Variants in MYO1G observed in about 807,000 individuals in gnomAD.
MYO1G encodes the protein unconventional myosin-Ig.
In MYO1G, 65 loss-of-function variants were observed where a neutral mutation model predicts 115.3. The ratio of observed to expected loss-of-function variants is 0.56; its 90% CI spans 0.46 to 0.69. MYO1G has a LOEUF of 0.69. MYO1G is among the 30% of genes least tolerant of loss of function. The pLI, the probability that MYO1G is intolerant of heterozygous loss-of-function variation, is 0.00. For synonymous variants in MYO1G, 510 were observed against 552.6 expected (o/e 0.92, Z 1.08); for missense variants, 1,204 against 1,393.5 (o/e 0.86, Z 2.16).
rs763498353 is a variant in MYO1G, at chr7:44,972,095, T to C, written c.729+20A>G. On this transcript the variant is annotated intron_variant, in intron 6 of 21. Coordinates refer to ENST00000258787, the MANE Select transcript of MYO1G (RefSeq NM_033054.3). ...CTGACACTGAGCCCAGTTTGAGCCC[T>C]TGGTGCCCCTCACACTCACACTGTG... is the stretch of plus-strand genomic sequence containing the variant. 21 of 1,590,240 alleles carry C rather than the reference T, an allele frequency of 1.3e-5. No individual in the cohort carries two copies. The highest frequency in any genetic ancestry group is 1.7e-5 in the Admixed American group (1 of 59,956).
rs1332221693 is a variant in MYO1G at position 44,966,903 on chromosome 7, CA to C, written c.1783-66del. On this transcript the variant is annotated intron_variant, in intron 14 of 21. Transcript: ENST00000258787. This position sits in a 1 kb window ranked among gnomAD's most constrained non-coding sequence, Gnocchi z 5.0. ...CAGCACTGTGCACCCTGCCCCACAC[CA>C]GGGGCTTCCTAACCCCTCAAGGTCC... 4 of 1,481,742 alleles carry C rather than the reference CA, an allele frequency of 2.7e-6. No homozygotes were observed. Among genetic ancestry groups the C allele is most frequent in the Non-Finnish European group, 3.6e-6 (4 of 1,101,586 alleles). The allele number at this position is 1,481,742 out of a possible 1,614,324, so 91.8% of individuals were successfully genotyped here.
chr7:44,966,915 A>G lies in MYO1G; in HGVS notation c.1783-77T>C. ...CCCTGCCCCACACCAGGGGCTTCCT[A>G]ACCCCTCAAGGTCCCAGGCCAGGAG... is the stretch of plus-strand genomic sequence containing the variant. On this transcript the variant is annotated intron_variant, in intron 14 of 21. Transcript: ENST00000258787. The surrounding 1 kb of genome is among the most constrained non-coding windows in gnomAD (Gnocchi z 5.0). 7 of 1,444,202 alleles carry G rather than the reference A, an allele frequency of 4.8e-6. No homozygotes were observed. In the South Asian group the frequency reaches 9.4e-5, roughly 19 times the overall value. 89.5% of individuals were successfully genotyped at this position (1,444,202 alleles called of 1,614,324 possible). A position where few individuals can be genotyped will look rare whatever the true frequency, so the allele number is the denominator to read the frequency against.
In MYO1G at chr7:44,967,626, C is replaced by T; in HGVS notation, c.1761G>A (p.Leu587=). The T allele has an allele frequency of 6.2e-7, 1 of 1,613,836 alleles. No homozygotes were observed. Among genetic ancestry groups the T allele is most frequent in the South Asian group, 1.1e-5 (1 of 91,090 alleles). Residue 587 remains leucine (L), a synonymous_variant, in exon 14 of 22, where the codon CTG becomes CTA. Coordinates refer to ENST00000258787, the MANE Select transcript of MYO1G (RefSeq NM_033054.3). ...ATACCTTGGAGGCAAGGTTCTCCAC[C>T]AGGGCCACCATGGAGTTCTTGAAGA... ...GTLFKNSMVA[L]VENLASKEPF... is the part of the protein sequence containing the mutation.
chr7:44,970,906 C>T lies in MYO1G; in HGVS notation c.1000G>A (p.Gly334Arg). ...RSLLARTVAS[G>R]GRELIEKGHT... ...CCCTTCTCTATGAGTTCCCTGCCTC[C>T]CGAGGCAACTGTGCGAGCCAGCAGG... is the stretch of plus-strand genomic sequence containing the variant. The change falls in exon 8 of 22, where the codon GGA (glycine) becomes AGA (arginine). Residue 334 changes from glycine (G) to arginine (R), a missense_variant. By Grantham distance (125) the Gly-to-Arg change is moderately radical. Transcript: ENST00000258787. The T allele has an allele frequency of 6.2e-7, 1 of 1,613,566 alleles. No individual in the cohort carries two copies. The highest frequency in any genetic ancestry group is 8.5e-7 in the Non-Finnish European group (1 of 1,180,038).
At chr7:44,977,945 C>T (rs1681247013) in intron 1 of MYO1G, among the ~76,000 whole-genome samples, 1 of 152,232 alleles carries the variant, frequency 6.6e-6, no homozygotes. Flanking sequence ...ACCCACGTCT[C>T]CAGGGCTCAG....
Position 44,964,820 on chromosome 7 carries a change from C to A in MYO1G, c.2526+125G>T. The A allele has an allele frequency of 7.1e-7, 1 of 1,403,060 alleles. No individual in the cohort carries two copies. Among genetic ancestry groups the A allele is most frequent in the Non-Finnish European group, 9.7e-7 (1 of 1,033,172 alleles). 86.9% of individuals were successfully genotyped at this position (1,403,060 alleles called of 1,614,324 possible). ...CTCTGGTGGGGGCTGAGGTACAGGGCCACCAGGACAGACAACCCCAGGCCT... is the reference window on the plus strand; with the variant it reads ...CTCTGGTGGGGGCTGAGGTACAGGGACACCAGGACAGACAACCCCAGGCCT... On this transcript the variant is annotated intron_variant, in intron 18 of 21. Transcript: ENST00000258787. This position sits in a 1 kb window ranked among gnomAD's most constrained non-coding sequence, Gnocchi z 5.1.
In MYO1G at chr7:44,964,838, C is replaced by A; in HGVS notation, c.2526+107G>T. On this transcript the variant is annotated intron_variant, in intron 18 of 21. Coordinates refer to ENST00000258787, the MANE Select transcript of MYO1G (RefSeq NM_033054.3). The surrounding 1 kb of genome is among the most constrained non-coding windows in gnomAD (Gnocchi z 5.1). The stretch of plus-strand genomic sequence containing the variant: ...TACAGGGCCACCAGGACAGACAACC[C>A]CAGGCCTGGGAGAGGACATCTGAGG... 1.4e-6 allele frequency: 2 copies of A among 1,479,884 alleles called. No homozygotes were observed. Among genetic ancestry groups the A allele is most frequent in the Non-Finnish European group, 1.8e-6 (2 of 1,098,008 alleles). 91.7% of individuals were successfully genotyped at this position (1,479,884 alleles called of 1,614,324 possible).
Position 44,969,562 on chromosome 7 carries a change from C to T in MYO1G, c.1504-79G>A. 1.3e-6 allele frequency: 2 copies of T among 1,583,206 alleles called. No homozygotes were observed. The highest frequency in any genetic ancestry group is 1.7e-6 in the Non-Finnish European group (2 of 1,153,310). ...AAGGGATAGCCCTGCCTCCCCACCT[C>T]CAGGGCAGAGAAGGTTGCCACAGTG... is the stretch of plus-strand genomic sequence containing the variant. On this transcript the variant is annotated intron_variant, in intron 11 of 21. Transcript: ENST00000258787. The surrounding 1 kb of genome is among the most constrained non-coding windows in gnomAD (Gnocchi z 5.0).
rs913592857 is a variant in MYO1G at position 44,966,441 on chromosome 7, C to T, written c.1950-161G>A. 1.2e-6 allele frequency: 1 copy of T among 817,190 alleles called. No individual in the cohort carries two copies. Among genetic ancestry groups the T allele is most frequent in the Non-Finnish European group, 2.0e-6 (1 of 490,100 alleles). The allele number at this position is 817,190 out of a possible 1,614,324, so 50.6% of individuals were successfully genotyped here. On this transcript the variant is annotated intron_variant, in intron 15 of 21. Transcript: ENST00000258787. This position sits in a 1 kb window ranked among gnomAD's most constrained non-coding sequence, Gnocchi z 5.0. ...ATGTCTTCCCATACACATGTCCTCA[C>T]ATACATGTCCTCACACAGCCCTCAT...
chr7:44,975,594 G>A lies in MYO1G; in HGVS notation c.454C>T (p.Arg152Cys), dbSNP rs750576329. ...TCVLEAFGNA[R>C]TNRNHNSSRF... ...CTGGAGTTGTGATTGCGGTTGGTGC[G>A]GGCATTGCCAAAGGCCTCCAGCACA... The change falls in exon 4 of 22, where the codon CGC becomes TGC. Residue 152 changes from arginine to cysteine, a missense_variant. Physicochemically the swap from Arg to Cys is radical, Grantham distance 180. Coordinates refer to ENST00000258787, the MANE Select transcript of MYO1G (RefSeq NM_033054.3). The A allele has an allele frequency of 2.0e-5, 32 of 1,613,816 alleles. No individual in the cohort carries two copies. In the East Asian group the frequency reaches 2.9e-4, roughly 15 times the overall value.
At position 44,970,993 on chromosome 7, in the gene MYO1G, C is replaced by G. The variant is rs139240752; in HGVS notation, c.913G>C (p.Glu305Gln). 410 of 1,613,546 alleles carry G rather than the reference C, an allele frequency of 2.5e-4. No individual in the cohort carries two copies. The highest frequency in any genetic ancestry group is 6.2e-4 in the Admixed American group (37 of 60,020). Residue 305 changes from glutamate (E) to glutamine (Q), a missense_variant, in exon 8 of 22, where the codon GAG becomes CAG. By Grantham distance (29) the Glu-to-Gln change is conservative. Transcript: ENST00000258787. The part of the protein sequence containing the change: ...LQKEGLAVAE[E>Q]ALVDHVAELT... The stretch of plus-strand genomic sequence containing the variant: ...TCAGCCACATGGTCCACCAGTGCCT[C>G]CTCGGCCACTGCCAGGCCCTCCTTC...
Position 44,963,991 on chromosome 7 carries a change from G to T in MYO1G, c.2745+58C>A. 7.4e-7 allele frequency: 1 copy of T among 1,348,122 alleles called. No homozygotes were observed. The highest frequency in any genetic ancestry group is 1.0e-6 in the Non-Finnish European group (1 of 964,996). The allele number at this position is 1,348,122 out of a possible 1,614,324, so 83.5% of individuals were successfully genotyped here. A position where few individuals can be genotyped will look rare whatever the true frequency, so the allele number is the denominator to read the frequency against. On this transcript the variant is annotated intron_variant, in intron 20 of 21. Coordinates refer to ENST00000258787, the MANE Select transcript of MYO1G (RefSeq NM_033054.3). This position sits in a 1 kb window ranked among gnomAD's most constrained non-coding sequence, Gnocchi z 4.1. ...AGAGAAGACTGAGGCAGGACTCTGA[G>T]CAGCCCAGCAGTGCCCCTCACAGAT...
At chr7:44,975,316 TG>T (rs1048060259) in intron 4 of MYO1G, 89 bp from the exon 5 acceptor site, 2 of 1,548,246 alleles carry the variant, frequency 1.3e-6, no homozygotes, top group African/African-American at 1.4e-5. Flanking sequence ...CAAGGCAGGC[TG>T]GGGGTCAGAG....
At chr7:44,972,315 T>G in intron 5 of MYO1G, 90 bp from the exon 6 acceptor site, 2 of 959,978 alleles carry the variant, frequency 2.1e-6, no homozygotes, top group Admixed American at 3.6e-5. Context: ...AGACTTGCGC[T>G]TCCTTCCAGT....
chr7:44,963,259 GC>G lies in MYO1G; in HGVS notation c.2746-136del. 1.0e-6 allele frequency: 1 copy of G among 976,570 alleles called. No individual in the cohort carries two copies. Among genetic ancestry groups the G allele is most frequent in the Non-Finnish European group, 1.4e-6 (1 of 707,758 alleles). The allele number at this position is 976,570 out of a possible 1,614,324, so 60.5% of individuals were successfully genotyped here. A position where few individuals can be genotyped will look rare whatever the true frequency, so the allele number is the denominator to read the frequency against. On this transcript the variant is annotated intron_variant, in intron 20 of 21. Transcript: ENST00000258787. The surrounding 1 kb of genome is among the most constrained non-coding windows in gnomAD (Gnocchi z 4.1). ...AGCGCCGCCCTCGCCAGGGCCACCAGCCCCCCACCGCCCCCTCCTCCCTCTC... is the reference window on the plus strand; with the variant it reads ...AGCGCCGCCCTCGCCAGGGCCACCAGCCCCCACCGCCCCCTCCTCCCTCTC...
chr7:44,969,334 C>T lies in MYO1G; in HGVS notation c.1574+79G>A. ...ATAACACCTGTCTCCGAGCCACTCC[C>T]CTGAAGCGCTCCTGCCCCATGACAC... On this transcript the variant is annotated intron_variant, in intron 12 of 21. Coordinates refer to ENST00000258787, the MANE Select transcript of MYO1G (RefSeq NM_033054.3). This position sits in a 1 kb window ranked among gnomAD's most constrained non-coding sequence, Gnocchi z 5.0. 3 of 1,480,630 alleles carry T rather than the reference C, an allele frequency of 2.0e-6. No homozygotes were observed. Among genetic ancestry groups the T allele is most frequent in the Non-Finnish European group, 2.8e-6 (3 of 1,059,650 alleles). 91.7% of individuals were successfully genotyped at this position (1,480,630 alleles called of 1,614,324 possible). A position where few individuals can be genotyped will look rare whatever the true frequency, so the allele number is the denominator to read the frequency against.
Position 44,966,463 on chromosome 7 carries a change from T to C in MYO1G, c.1950-183A>G, listed in dbSNP as rs1426591214. On this transcript the variant is annotated intron_variant, in intron 15 of 21. Transcript: ENST00000258787. The surrounding 1 kb of genome is among the most constrained non-coding windows in gnomAD (Gnocchi z 5.0). ...TCACATACATGTCCTCACACAGCCC[T>C]CATACCCATGTTCCCACCTGTATGT... The C allele has an allele frequency of 1.2e-6, 1 of 811,152 alleles. No individual in the cohort carries two copies. 50.2% of individuals were successfully genotyped at this position (811,152 alleles called of 1,614,324 possible).
Position 44,964,092 on chromosome 7 carries a change from G to A in MYO1G, c.2702C>T (p.Pro901Leu). 1 of 1,606,842 alleles carries A rather than the reference G, an allele frequency of 6.2e-7. No homozygotes were observed. Among genetic ancestry groups the A allele is most frequent in the Non-Finnish European group, 8.5e-7 (1 of 1,176,876 alleles). Residue 901 changes from proline (P) to leucine (L), a missense_variant, in exon 20 of 22, where the codon CCT (proline) becomes CTT (leucine). Coordinates refer to ENST00000258787, the MANE Select transcript of MYO1G (RefSeq NM_033054.3). The surrounding 1 kb of genome is among the most constrained non-coding windows in gnomAD (Gnocchi z 5.1). ...LTDQHLYKLD[P>L]DRQYRVMRAV... ...CCGCATCACCCGGTACTGCCGGTCA[G>A]GGTCCAGCTTGTAGAGGTGCTGGTC...
In MYO1G at chr7:44,971,009, G is replaced by C. The variant is rs751025785; in HGVS notation, c.897C>G (p.Gly299=). Residue 299 remains glycine, a synonymous_variant, in exon 8 of 22, where the codon GGC becomes GGG. Coordinates refer to ENST00000258787, the MANE Select transcript of MYO1G (RefSeq NM_033054.3). ...ETEEGGLQKE[G]LAVAEEALVD... ...CCAGTGCCTCCTCGGCCACTGCCAG[G>C]CCCTCCTTCTGCAGCCCACCCTCCT... The C allele has an allele frequency of 1.2e-6, 2 of 1,613,272 alleles. No homozygotes were observed. Among genetic ancestry groups the C allele is most frequent in the Non-Finnish European group, 1.7e-6 (2 of 1,179,940 alleles).
Sources: allele counts gnomAD v4.1 joint callset (sites outside exome capture counted in the v4.1 genomes callset), GRCh38; gene constraint gnomAD v4.1.1; non-coding constraint Gnocchi (gnomAD v3.1); transcripts MANE v1.5; gene names NCBI Gene and HGNC (gene_info 2026-07-23, HGNC 2026-07-21).